Variants in NOSIP observed in about 807,000 individuals in gnomAD.
NOSIP encodes the protein nitric oxide synthase interacting protein.
In NOSIP, 25 loss-of-function variants were observed where a neutral mutation model predicts 36.4. The observed-to-expected ratio is 0.69, with a 90% CI of 0.50 to 0.96. The LOEUF is 0.96. Ranked by LOEUF, NOSIP falls within the 40% of genes least tolerant of loss-of-function variation. NOSIP has a pLI of 0.00. For synonymous variants in NOSIP, 187 were observed against 179.2 expected (o/e 1.04, Z -0.35); for missense variants, 370 against 429.0 (o/e 0.86, Z 1.21).
Position 49,569,773 on chromosome 19 carries a change from A to G in NOSIP, c.-1-9081T>C, listed in dbSNP as rs541526885. 2.0e-5 allele frequency among the ~76,000 whole-genome samples: 3 copies of G among 151,898 alleles called. No homozygotes were observed. The East Asian group carries it at 5.9e-4, about 30-fold the overall frequency. On this transcript the variant is annotated intron_variant, in intron 1 of 8. Coordinates refer to ENST00000596358, the MANE Select transcript of NOSIP (RefSeq NM_001270960.2). The stretch of plus-strand genomic sequence containing the variant: ...CAGTGAGCCAAGATCGCGCCATCGC[A>G]CTCCAGCCTGGGGGACAAGAGTGAG...
intron 1 of NOSIP, among the ~76,000 whole-genome samples, chr19:49,570,552 G>A (rs370541246): frequency 2.0e-5 from 3 of 151,682 alleles, no homozygotes; most frequent in African/African-American, 4.9e-5. Flanking sequence ...GCCCCTTCCC[G>A]ATCAATGTGC....
intron 1 of NOSIP, among the ~76,000 whole-genome samples, chr19:49,574,859 C>G (rs1212737140): frequency 6.6e-6 from 1 of 150,464 alleles, no homozygotes; most frequent in Non-Finnish European, 1.5e-5. Context: ...CCATGCCTGG[C>G]TAATTTTTTT....
At chr19:49,561,164 G>A (rs11879680) in intron 1 of NOSIP, among the ~76,000 whole-genome samples, 16,510 of 152,152 alleles carry the variant, frequency 0.11, 2,374 homozygotes, top group African/African-American at 0.32. Flanking sequence ...ACTTAGCTAA[G>A]GCTTGACACT....
At chr19:49,559,816 A>G (rs1475287625) in intron 3 of NOSIP, 118 bp downstream of exon 3, 3 of 719,924 alleles carry the variant, frequency 4.2e-6, no homozygotes, top group Admixed American at 4.1e-5. Flanking sequence ...CTCTGAGGAT[A>G]AACTGCTCAT....
At chr19:49,575,424 T>TG (rs1226665810) in intron 1 of NOSIP, among the ~76,000 whole-genome samples, 10 of 152,154 alleles carry the variant, frequency 6.6e-5, no homozygotes, top group Middle Eastern at 3.4e-3. Context: ...TATACGAATC[T>TG]GGGGGGGACA....
At chr19:49,559,174 C>A in intron 3 of NOSIP, 196 bp from the exon 4 acceptor site, 2 of 592,532 alleles carry the variant, frequency 3.4e-6, no homozygotes, top group Admixed American at 2.9e-5. Context: ...TTAAAATCAG[C>A]AAAGGAAAAA....
At chr19:49,563,286 C>T (rs1375266379) in intron 1 of NOSIP, among the ~76,000 whole-genome samples, 1 of 151,930 alleles carries the variant, frequency 6.6e-6, no homozygotes, top group Non-Finnish European at 1.5e-5. Flanking sequence ...AGTGATTCTC[C>T]TGCCTCAGCC....
intron 1 of NOSIP, among the ~76,000 whole-genome samples, chr19:49,580,169 C>T (rs2080606912): frequency 6.6e-6 from 1 of 151,520 alleles, no homozygotes; most frequent in Non-Finnish European, 1.5e-5. Flanking sequence ...TCCTTAGACC[C>T]CCAGCAATCC....
chr19:49,558,792 C>G (rs1432391194), intron 4 of NOSIP, 105 bp downstream of exon 4: 8 of 925,128 alleles, frequency 8.6e-6, no homozygotes, highest in Non-Finnish European at 1.4e-5. Flanking sequence ...GAATGGTGTA[C>G]CAGGCAGAGG....
At position 49,577,767 on chromosome 19, in the gene NOSIP, G is replaced by GAA. The variant is rs61302412; in HGVS notation, c.-2+2746_-2+2747dup. On this transcript the variant is annotated intron_variant, in intron 1 of 8. Transcript: ENST00000596358. ...GTAACAGAGCAAGGCCGTGTCTCGG[G>GAA]AAAAAAAAAAAAAAAAAGAAGTATT... 3.6e-3 allele frequency among the ~76,000 whole-genome samples: 436 copies of GAA among 121,384 alleles called. 6 individuals carry two copies. The highest frequency in any genetic ancestry group is 5.5e-3 in the South Asian group (20 of 3,658). 79.6% of individuals were successfully genotyped at this position (121,384 alleles called of 152,430 possible).
At chr19:49,564,549 G>A (rs531060526) in intron 1 of NOSIP, among the ~76,000 whole-genome samples, 29 of 151,586 alleles carry the variant, frequency 1.9e-4, no homozygotes, top group Non-Finnish European at 1.3e-4. Context: ...GGGTGCAGGC[G>A]AGGACATGGA....
In NOSIP at chr19:49,555,639, GT is replaced by G; in HGVS notation, c.*111del. 1 of 834,556 alleles carries G rather than the reference GT, an allele frequency of 1.2e-6. No homozygotes were observed. The highest frequency in any genetic ancestry group is 2.0e-6 in the Non-Finnish European group (1 of 501,442). The allele number at this position is 834,556 out of a possible 1,614,324, so 51.7% of individuals were successfully genotyped here. A position where few individuals can be genotyped will look rare whatever the true frequency, so the allele number is the denominator to read the frequency against. ...CTCCAGCGTGCGCTGTAGGAGCACTGTTTGCACGGCCCTGCATCCTCGCCTG... is the reference window on the plus strand; with the variant it reads ...CTCCAGCGTGCGCTGTAGGAGCACTGTTGCACGGCCCTGCATCCTCGCCTG... On this transcript the variant is annotated 3_prime_UTR_variant, in exon 9 of 9. Transcript: ENST00000596358.
chr19:49,569,363 T>TTTGTA (rs2080455117), intron 1 of NOSIP, among the ~76,000 whole-genome samples: 1 of 149,222 alleles, frequency 6.7e-6, no homozygotes, highest in Non-Finnish European at 1.5e-5. Flanking sequence ...CCAGCTAATT[T>TTTGTA]TTTTTATTTT....
At chr19:49,569,321 G>C (rs2080454163) in intron 1 of NOSIP, among the ~76,000 whole-genome samples, 1 of 150,354 alleles carries the variant, frequency 6.7e-6, no homozygotes, top group Admixed American at 6.6e-5. Flanking sequence ...AGCCTCCTGA[G>C]TAGCTGGGAC....
rs758815992 is a variant in NOSIP at position 49,555,829 on chromosome 19, G to A, written c.835-7C>T. 3.1e-6 allele frequency: 5 copies of A among 1,612,620 alleles called. No homozygotes were observed. Among genetic ancestry groups the A allele is most frequent in the Non-Finnish European group, 3.4e-6 (4 of 1,179,152 alleles). On this transcript the variant is annotated splice_polypyrimidine_tract_variant and splice_region_variant and intron_variant, in intron 8 of 8. Coordinates refer to ENST00000596358, the MANE Select transcript of NOSIP (RefSeq NM_001270960.2). ...CCGCGAAGCCGGTACCGCCCTGGGG[G>A]AGGTAGAGAGAAGGACGAGGTAGAG...
intron 1 of NOSIP, among the ~76,000 whole-genome samples, chr19:49,569,568 A>G (rs1477544585): frequency 6.8e-6 from 1 of 146,146 alleles, no homozygotes; most frequent in African/African-American, 2.5e-5. Context: ...GCACTTTAGG[A>G]GGCCGAGGTG....
In NOSIP at chr19:49,555,590, A is replaced by G. The variant is rs1327436404; in HGVS notation, c.*161T>C. Reference sequence around the variant, plus strand: ...TGTTCTTAATGTGAGACCACATTCAATATGCTTAGCCCGCTCTTTCAAACT... The same window carrying G: ...TGTTCTTAATGTGAGACCACATTCAGTATGCTTAGCCCGCTCTTTCAAACT... On this transcript the variant is annotated 3_prime_UTR_variant, in exon 9 of 9. Transcript: ENST00000596358. The G allele has an allele frequency of 1.6e-4, 94 of 600,338 alleles. No individual in the cohort carries two copies. The highest frequency in any genetic ancestry group is 1.9e-5 in the African/African-American group (1 of 52,664). 37.2% of individuals were successfully genotyped at this position (600,338 alleles called of 1,614,324 possible).
At chr19:49,559,041 T>C (rs1301551059) in intron 3 of NOSIP, 63 bp from the exon 4 acceptor site, 11 of 1,350,362 alleles carry the variant, frequency 8.1e-6, no homozygotes, top group Non-Finnish European at 1.2e-5. Flanking sequence ...CCTCCCGAAG[T>C]GCTGGGATTA....
chr19:49,577,123 G>A (rs1387121681), intron 1 of NOSIP, among the ~76,000 whole-genome samples: 1 of 152,068 alleles, frequency 6.6e-6, no homozygotes, highest in Non-Finnish European at 1.5e-5. Context: ...GTGCTGGTGT[G>A]GATATGGAGA....
Sources: gnomAD v4.1 joint callset for allele counts (sites outside exome capture counted in the v4.1 genomes callset) on GRCh38, gnomAD v4.1.1 for gene constraint, MANE v1.5 for transcripts, NCBI Gene and HGNC (gene_info 2026-07-23, HGNC 2026-07-21) for gene names.